The following GRAMD1A variants were observed in gnomAD, a reference collection of about 807,000 sequenced individuals.
GRAMD1A encodes protein Aster-A.
Under a neutral mutation model 92.0 loss-of-function variants are expected in GRAMD1A, and 50 were observed. That is an observed-to-expected ratio of 0.54 (90% CI 0.43 to 0.69). The LOEUF (loss-of-function observed/expected upper bound fraction) is 0.69. Ranked by LOEUF, GRAMD1A falls within the 30% of genes least tolerant of loss-of-function variation. The pLI, the probability that GRAMD1A is intolerant of heterozygous loss-of-function variation, is 0.00. For synonymous variants in GRAMD1A, 405 were observed against 403.6 expected, an observed-to-expected ratio of 1.00 and a Z score of -0.04; for missense variants, 819 against 978.9, an observed-to-expected ratio of 0.84 and a Z score of 2.18.
In GRAMD1A at chr19:35,013,412, A is replaced by G. The variant is rs1271105424; in HGVS notation, c.719+44A>G. On this transcript the variant is annotated intron_variant, in intron 8 of 19. Coordinates refer to ENST00000317991, the MANE Select transcript of GRAMD1A (RefSeq NM_020895.5). The surrounding 1 kb of genome is among the most constrained non-coding windows in gnomAD (Gnocchi z 4.9). ...GAGGTTGAAGGGTTCGGGGGAGAAC[A>G]GGACGGTCGGCGTGCAGAGTTCCTG... is the stretch of plus-strand genomic sequence containing the variant. 1 of 1,506,368 alleles carries G rather than the reference A, an allele frequency of 6.6e-7. No individual in the cohort carries two copies. Among genetic ancestry groups the G allele is most frequent in the Non-Finnish European group, 9.1e-7 (1 of 1,093,614 alleles). 93.3% of individuals were successfully genotyped at this position (1,506,368 alleles called of 1,614,324 possible). A position where few individuals can be genotyped will look rare whatever the true frequency, so the allele number is the denominator to read the frequency against.
At chr19:34,997,380 C>CAAAAAAA (rs1315311875), upstream of GRAMD1A, among the ~76,000 whole-genome samples, 1 of 29,872 alleles carries the variant, frequency 3.3e-5, no homozygotes, top group African/African-American at 1.4e-4. Context: ...GATCACAGGC[C>CAAAAAAA]AAAAAAACAA....
In GRAMD1A at chr19:35,019,430, G is replaced by A; in HGVS notation, c.1372G>A (p.Val458Met). ...CGGCCCCCAGGCCGGCGGGTGTGTG[G>A]TGGACTCCGAGGTGCTGACGCAGGG... The part of the protein sequence containing the change: ...RRGPQAGGCV[V>M]DSEVLTQGIP... Residue 458 changes from valine (V) to methionine (M), a missense_variant, in exon 13 of 20, where the codon GTG (valine) becomes ATG (methionine). This residue lies in a region of GRAMD1A where 577 missense variants were observed against 674.6 expected (regional missense o/e 0.86). Transcript: ENST00000317991. 1 of 1,613,912 alleles carries A rather than the reference G, an allele frequency of 6.2e-7. No homozygotes were observed. The highest frequency in any genetic ancestry group is 8.5e-7 in the Non-Finnish European group (1 of 1,179,954).
Position 35,014,279 on chromosome 19 carries a change from G to C in GRAMD1A, c.961G>C (p.Glu321Gln), listed in dbSNP as rs769055746. Residue 321 changes from glutamate to glutamine, a missense_variant, in exon 10 of 20, where the codon GAG becomes CAG. By Grantham distance (29) the Glu-to-Gln change is conservative (BLOSUM62 2). This residue lies in a region of GRAMD1A where 577 missense variants were observed against 674.6 expected (regional missense o/e 0.86). Transcript: ENST00000317991. ...CCCGGTGGCTGAACCCCCGAGCACA[G>C]AGCCCACCCAGCCTGACGGGCCCAC... ...VTPVAEPPSTEPTQPDGPTTL... is the reference protein window; with the variant it reads ...VTPVAEPPSTQPTQPDGPTTL... 10 of 1,614,168 alleles carry C rather than the reference G, an allele frequency of 6.2e-6. No homozygotes were observed. Among genetic ancestry groups the C allele is most frequent in the South Asian group, 2.2e-5 (2 of 91,084 alleles).
chr19:34,997,030 C>G (rs957693748), upstream of GRAMD1A, among the ~76,000 whole-genome samples: 17 of 152,040 alleles, frequency 1.1e-4, no homozygotes, highest in Admixed American at 8.5e-4. Flanking sequence ...TTGCTCCCCC[C>G]TCCACCCAGC....
rs777033368 is a variant in GRAMD1A at position 35,019,374 on chromosome 19, C to T, written c.1333-17C>T. 11 of 1,613,588 alleles carry T rather than the reference C, an allele frequency of 6.8e-6. No individual in the cohort carries two copies. The highest frequency in any genetic ancestry group is 1.7e-4 in the Middle Eastern group (1 of 6,058). On this transcript the variant is annotated splice_polypyrimidine_tract_variant and intron_variant, in intron 12 of 19. Coordinates refer to ENST00000317991, the MANE Select transcript of GRAMD1A (RefSeq NM_020895.5). ...GTGAGTGGGGTGGCCCTGACTTCTCCGGCTCTGTCCCTGCAGACGCTGTTC... is the reference window on the plus strand; with the variant it reads ...GTGAGTGGGGTGGCCCTGACTTCTCTGGCTCTGTCCCTGCAGACGCTGTTC...
In GRAMD1A at chr19:35,010,499, C is replaced by G. The variant is rs780205700; in HGVS notation, c.525+120C>G. ...TTCTCTCCGAGCTGTCCCCTTCTCT[C>G]TGTTCTCCCGGCCCAGGCGCCCATC... On this transcript the variant is annotated intron_variant, in intron 6 of 19. Coordinates refer to ENST00000317991, the MANE Select transcript of GRAMD1A (RefSeq NM_020895.5). 7 of 704,400 alleles carry G rather than the reference C, an allele frequency of 9.9e-6. No homozygotes were observed. The African/African-American group carries it at 1.2e-4, about 12-fold the overall frequency. 43.6% of individuals were successfully genotyped at this position (704,400 alleles called of 1,614,324 possible). A position where few individuals can be genotyped will look rare whatever the true frequency, so the allele number is the denominator to read the frequency against.
intron 16 of GRAMD1A, 40 bp downstream of exon 16, chr19:35,022,078 C>A: frequency 6.9e-7 from 1 of 1,454,456 alleles, no homozygotes; most frequent in Non-Finnish European, 9.6e-7. Flanking sequence ...CAGGCCTGAA[C>A]CTGCCTCCTG....
At chr19:35,009,794 G>A in intron 3 of GRAMD1A, 94 bp from the exon 4 acceptor site, 1 of 803,428 alleles carries the variant, frequency 1.2e-6, no homozygotes, top group Non-Finnish European at 2.2e-6. Context: ...AATCTGTCAG[G>A]GACTTAAGAG....
Position 35,017,398 on chromosome 19 carries a change from C to T in GRAMD1A, c.1213+1431C>T, listed in dbSNP as rs563884329. 2.6e-5 allele frequency among the ~76,000 whole-genome samples: 4 copies of T among 152,250 alleles called. No individual in the cohort carries two copies. In the East Asian group the frequency reaches 7.7e-4, roughly 29 times the overall value. ...TAGTTTTGGGGGCCTTGTAGCCCCCCAACACAAGGCACCATCTTCCTGACT... is the reference window on the plus strand; with the variant it reads ...TAGTTTTGGGGGCCTTGTAGCCCCCTAACACAAGGCACCATCTTCCTGACT... On this transcript the variant is annotated intron_variant, in intron 11 of 19. Coordinates refer to ENST00000317991, the MANE Select transcript of GRAMD1A (RefSeq NM_020895.5).
chr19:35,009,024 CG>C, intron 1 of GRAMD1A, 94 bp from the exon 2 acceptor site: 1 of 800,052 alleles, frequency 1.2e-6, no homozygotes, highest in Admixed American at 1.9e-5. Flanking sequence ...GGTGTGTATT[CG>C]GGGATCAATG....
At chr19:35,001,676 C>T (rs934747862) in intron 1 of GRAMD1A, among the ~76,000 whole-genome samples, 2 of 151,966 alleles carry the variant, frequency 1.3e-5, no homozygotes, top group Non-Finnish European at 2.9e-5. Flanking sequence ...GGCACGATCT[C>T]GGCCCACTGC....
rs372156863 is a variant in GRAMD1A at position 35,021,938 on chromosome 19, T to C, written c.1754-13T>C. 36 of 1,613,608 alleles carry C rather than the reference T, an allele frequency of 2.2e-5. 1 individual carries two copies. The highest frequency in any genetic ancestry group is 5.0e-5 in the Admixed American group (3 of 59,944). On this transcript the variant is annotated splice_polypyrimidine_tract_variant and intron_variant, in intron 15 of 19. Transcript: ENST00000317991. The surrounding 1 kb of genome is among the most constrained non-coding windows in gnomAD (Gnocchi z 5.3). ...TGGACTGGGCCATCTGACTCCAAGC[T>C]GCTCTCCTGCAGGCTCCCTCAGCTC... is the stretch of plus-strand genomic sequence containing the variant.
At position 35,009,993 on chromosome 19, in the gene GRAMD1A, C is replaced by G. The variant is rs535150448; in HGVS notation, c.325+21C>G. 2.2e-4 allele frequency: 353 copies of G among 1,580,776 alleles called. 1 individual carries two copies. Among genetic ancestry groups the G allele is most frequent in the South Asian group, 1.3e-3 (116 of 90,452 alleles). On this transcript the variant is annotated intron_variant, in intron 4 of 19. Coordinates refer to ENST00000317991, the MANE Select transcript of GRAMD1A (RefSeq NM_020895.5). ...TGTGGGTGAGTCCCGGACCCCCAGT[C>G]CCAGCTCCTAGCCCAGCCCTGTGAC...
intron 11 of GRAMD1A, among the ~76,000 whole-genome samples, chr19:35,016,279 A>G (rs900232704): frequency 6.6e-6 from 1 of 151,764 alleles, no homozygotes; most frequent in African/African-American, 2.4e-5. Flanking sequence ...ACCATATAGT[A>G]AGCGTTTAAT....
chr19:35,021,845 G>A lies in GRAMD1A; in HGVS notation c.1734G>A (p.Arg578=), dbSNP rs1408576597. The change falls in exon 15 of 20, where the codon CGG becomes CGA. Residue 578 remains arginine, a synonymous_variant. Transcript: ENST00000317991. The surrounding 1 kb of genome is among the most constrained non-coding windows in gnomAD (Gnocchi z 5.3). ...ACCCAGATCCTGACCCCTGTGCCCG[G>A]GCCGGCATTCACACCTCGGGTACGT... The part of the protein sequence containing the change: ...PQHPDPDPCA[R]AGIHTSGSLS... 1 of 1,603,654 alleles carries A rather than the reference G, an allele frequency of 6.2e-7. No individual in the cohort carries two copies. The highest frequency in any genetic ancestry group is 8.5e-7 in the Non-Finnish European group (1 of 1,174,052).
chr19:35,021,159 A>T lies in GRAMD1A; in HGVS notation c.1476-343A>T, dbSNP rs2151732727. ...CAGCTGTCTATGTTGAGCTGAGCCC[A>T]TGTGGAGCTGGGGTGCAGCAGCCGA... On this transcript the variant is annotated intron_variant, in intron 13 of 19. Transcript: ENST00000317991. This position sits in a 1 kb window ranked among gnomAD's most constrained non-coding sequence, Gnocchi z 5.3. Among the ~76,000 whole-genome samples, 1 of 152,332 alleles carries T rather than the reference A, an allele frequency of 6.6e-6. No homozygotes were observed. The highest frequency in any genetic ancestry group is 1.9e-4 in the East Asian group (1 of 5,176).
chr19:35,025,360 C>T (rs2016358493), intron 19 of GRAMD1A: 1 of 152,292 alleles, frequency 6.6e-6, no homozygotes, highest in South Asian at 2.1e-4. Context: ...TCTCGTGCCT[C>T]AGCTTCCCAG....
upstream of GRAMD1A, among the ~76,000 whole-genome samples, chr19:34,997,636 A>C (rs1160253918): frequency 6.6e-6 from 1 of 152,210 alleles, no homozygotes; most frequent in African/African-American, 2.4e-5. Flanking sequence ...ATGTGGAGAA[A>C]TCGCAGAAAC....
chr19:35,013,284 T>A lies in GRAMD1A; in HGVS notation c.635T>A (p.Leu212Gln), dbSNP rs1405105227. Residue 212 changes from leucine (L) to glutamine (Q), a missense_variant, in exon 8 of 20, where the codon CTG becomes CAG. By Grantham distance (113) the Leu-to-Gln change is moderately radical (BLOSUM62 -2). This residue lies in a region of GRAMD1A where 144 missense variants were observed against 220.3 expected (regional missense o/e 0.65). Coordinates refer to ENST00000317991, the MANE Select transcript of GRAMD1A (RefSeq NM_020895.5). The surrounding 1 kb of genome is among the most constrained non-coding windows in gnomAD (Gnocchi z 4.9). ...CTGAGTCCCCGCGAGCTCTGGCACC[T>A]GGTGCATCAGTGCTACGGCTCAGAG... ...KTLSPRELWH[L>Q]VHQCYGSELG... 1 of 1,548,238 alleles carries A rather than the reference T, an allele frequency of 6.5e-7. No homozygotes were observed. The highest frequency in any genetic ancestry group is 1.4e-5 in the African/African-American group (1 of 72,994).
Sources: gnomAD v4.1 joint callset for allele counts (sites outside exome capture counted in the v4.1 genomes callset) on GRCh38, gnomAD v4.1.1 for gene constraint, gnomAD v4.1.1 regional missense constraint, Gnocchi (gnomAD v3.1) non-coding constraint, MANE v1.5 for transcripts, NCBI Gene and HGNC (gene_info 2026-07-23, HGNC 2026-07-21) for gene names.